CNTNAP2: variants seen among roughly 807,000 people sequenced by gnomAD.
CNTNAP2 encodes the protein contactin-associated protein-like 2.
CNTNAP2 carries 98 observed loss-of-function variants against 155.2 expected under a neutral mutation model. That is an observed-to-expected ratio of 0.63 (90% confidence interval 0.54 to 0.75). The LOEUF (loss-of-function observed/expected upper bound fraction) is 0.75, where lower values mean the gene tolerates loss of function less well. CNTNAP2 is among the 30% of genes least tolerant of loss of function. The pLI, the probability that CNTNAP2 is intolerant of heterozygous loss-of-function variation, is 0.00. For synonymous variants in CNTNAP2, 651 were observed against 631.2 expected, an observed-to-expected ratio of 1.03 and a Z score of -0.47; for missense variants, 1,727 against 1,688.1, an observed-to-expected ratio of 1.02 and a Z score of -0.40.
chr7:146,212,419 A>G (rs1799049177), intron 1 of CNTNAP2, among the ~76,000 whole-genome samples: 1 of 152,136 alleles, frequency 6.6e-6, no homozygotes, highest in Admixed American at 6.6e-5. Context: ...TGAGTTATCT[A>G]ACAGGCACAG....
intron 15 of CNTNAP2, among the ~76,000 whole-genome samples, chr7:148,039,124 T>C (rs1198710081): frequency 2.0e-5 from 3 of 152,240 alleles, no homozygotes; most frequent in African/African-American, 7.2e-5. Flanking sequence ...GGGAAGCTGG[T>C]AGCATGGCTC....
intron 1 of CNTNAP2, among the ~76,000 whole-genome samples, chr7:146,467,418 A>C (rs1796731972): frequency 6.6e-6 from 1 of 152,178 alleles, no homozygotes; most frequent in Non-Finnish European, 1.5e-5. Flanking sequence ...AGATGATGGT[A>C]GTAAATAGGT....
At chr7:147,703,989 T>C (rs939436000) in intron 13 of CNTNAP2, among the ~76,000 whole-genome samples, 1 of 152,164 alleles carries the variant, frequency 6.6e-6, no homozygotes, top group African/African-American at 2.4e-5. Flanking sequence ...ATATTTCTTT[T>C]AAGATAATAA....
chr7:148,382,885 G>C (rs888171421), intron 21 of CNTNAP2, among the ~76,000 whole-genome samples: 2 of 152,228 alleles, frequency 1.3e-5, no homozygotes, highest in Admixed American at 1.3e-4. Flanking sequence ...TGGAACAGAG[G>C]GCCATTGATT....
At chr7:147,131,204 C>T (rs1801350274) in intron 7 of CNTNAP2, among the ~76,000 whole-genome samples, 1 of 150,282 alleles carries the variant, frequency 6.7e-6, no homozygotes, top group Admixed American at 6.7e-5. Flanking sequence ...CACATGTATA[C>T]CATATACATA....
intron 13 of CNTNAP2, among the ~76,000 whole-genome samples, chr7:147,748,634 T>C (rs1797085318): frequency 6.6e-6 from 1 of 152,142 alleles, no homozygotes; most frequent in Non-Finnish European, 1.5e-5. Flanking sequence ...CTTTCTTGTC[T>C]TTATGCTACA....
intron 3 of CNTNAP2, among the ~76,000 whole-genome samples, chr7:146,923,049 A>T (rs12703852): frequency 0.23 from 35,717 of 152,158 alleles, 5,378 homozygotes; most frequent in Non-Finnish European, 0.32. Context: ...AGTCATGCAG[A>T]CAAGGTCATG....
intron 1 of CNTNAP2, among the ~76,000 whole-genome samples, chr7:146,643,173 A>G (rs547790871): frequency 0.021 from 3,076 of 148,032 alleles, 95 homozygotes; most frequent in African/African-American, 0.073. Flanking sequence ...ATTAGATCCC[A>G]TTTGTCAATT....
chr7:147,631,036 G>C (rs1795077895), intron 12 of CNTNAP2, among the ~76,000 whole-genome samples: 1 of 151,924 alleles, frequency 6.6e-6, no homozygotes, highest in Admixed American at 6.6e-5. Flanking sequence ...TTAAAGTTGT[G>C]CTGTTCACAG....
intron 1 of CNTNAP2, among the ~76,000 whole-genome samples, chr7:146,464,351 G>T (rs921548689): frequency 4.6e-5 from 7 of 152,028 alleles, no homozygotes; most frequent in Non-Finnish European, 7.4e-5. Context: ...GAAGGAAATT[G>T]TCTCAGTGAT....
intron 1 of CNTNAP2, among the ~76,000 whole-genome samples, chr7:146,499,928 AC>A (rs1475174716): frequency 2.1e-4 from 32 of 152,222 alleles, no homozygotes; most frequent in Non-Finnish European, 2.9e-5. Flanking sequence ...CAAGTCTTAC[AC>A]TTTTGTGTGT....
intron 1 of CNTNAP2, among the ~76,000 whole-genome samples, chr7:146,730,143 CA>C (rs1428172362): frequency 2.6e-5 from 4 of 151,964 alleles, no homozygotes; most frequent in Non-Finnish European, 5.9e-5. Context: ...CATTCCTAAC[CA>C]AAAATCAAAA....
chr7:147,950,364 C>CAAAAAAAAA (rs386411606), intron 14 of CNTNAP2, among the ~76,000 whole-genome samples: 8 of 55,782 alleles, frequency 1.4e-4, no homozygotes, highest in African/African-American at 4.9e-4. Context: ...CATAGAGAGG[C>CAAAAAAAAA]AAAAAAAAAA....
At chr7:147,746,093 T>A (rs77933105) in intron 13 of CNTNAP2, among the ~76,000 whole-genome samples, 2,049 of 152,364 alleles carry the variant, frequency 0.013, 26 homozygotes, top group Middle Eastern at 0.024. Context: ...ATAGCACTGA[T>A]GAAGTGCATA....
At chr7:147,476,664 C>T (rs542481594) in intron 10 of CNTNAP2, among the ~76,000 whole-genome samples, 9 of 152,024 alleles carry the variant, frequency 5.9e-5, no homozygotes, top group Middle Eastern at 3.4e-3. Context: ...CGGTGGCTCA[C>T]GCCTGTAATC....
chr7:147,455,852 C>T (rs1797909608), intron 10 of CNTNAP2, among the ~76,000 whole-genome samples: 1 of 152,018 alleles, frequency 6.6e-6, no homozygotes, highest in African/African-American at 2.4e-5. Flanking sequence ...TCTAGCAAGC[C>T]AAGGCCGTTC....
At chr7:147,112,582 G>A (rs1410099138) in intron 5 of CNTNAP2, among the ~76,000 whole-genome samples, 1 of 152,090 alleles carries the variant, frequency 6.6e-6, no homozygotes, top group African/African-American at 2.4e-5. Context: ...AATATAAAGG[G>A]ATGTTGAATT....
intron 1 of CNTNAP2, among the ~76,000 whole-genome samples, chr7:146,333,553 GT>G (rs1483032665): frequency 1.3e-5 from 2 of 152,088 alleles, no homozygotes; most frequent in Non-Finnish European, 2.9e-5. Context: ...CATGGTGCAT[GT>G]TTTTATGTAA....
intron 10 of CNTNAP2, among the ~76,000 whole-genome samples, chr7:147,466,444 T>A (rs890569003): frequency 4.6e-5 from 7 of 152,124 alleles, no homozygotes; most frequent in Admixed American, 1.3e-4. Context: ...GAAAAGGGGT[T>A]CTGGTTTCTA....
Sources: gnomAD v4.1 joint callset for allele counts (sites outside exome capture counted in the v4.1 genomes callset) on GRCh38, gnomAD v4.1.1 for gene constraint, MANE v1.5 for transcripts, NCBI Gene and HGNC (gene_info 2026-07-23, HGNC 2026-07-21) for gene names.